The following SLC11A2 variants were observed in gnomAD, a reference collection of about 807,000 sequenced individuals.
SLC11A2 encodes solute carrier family 11 member 2, also known as natural resistance-associated macrophage protein 2.
A neutral mutation model predicts 68.0 loss-of-function variants in SLC11A2; 38 were observed. The observed-to-expected ratio is 0.56, with a 90% confidence interval of 0.43 to 0.73. The LOEUF (loss-of-function observed/expected upper bound fraction) is 0.73, where lower values mean the gene tolerates loss of function less well. SLC11A2 is among the 30% of genes least tolerant of loss of function. SLC11A2 has a pLI of 0.00. For missense variants in SLC11A2, 517 were observed against 690.5 expected (o/e 0.75, Z 2.82); for synonymous variants, 242 against 250.6 (o/e 0.97, Z 0.32).
At chr12:50,956,073 G>A in the SLC11A2 span, among the ~76,000 whole-genome samples, 59 of 152,288 alleles carry the variant, frequency 3.9e-4, no homozygotes, top group Middle Eastern at 3.4e-3. Flanking sequence ...ATAGAGATAA[G>A]TTTTTGCTAA....
At chr12:50,968,393 G>T in the SLC11A2 span, among the ~76,000 whole-genome samples, 22,325 of 151,150 alleles carry the variant, frequency 0.15, 1,860 homozygotes, top group South Asian at 0.26. Flanking sequence ...CTTTTTTTGT[G>T]TGTGTGTGGG....
intron 8 of SLC11A2, among the ~76,000 whole-genome samples, chr12:50,997,456 C>A (rs1324706667): frequency 1.3e-5 from 2 of 152,068 alleles, no homozygotes; most frequent in African/African-American, 4.8e-5. Flanking sequence ...AATCCCAGCA[C>A]TTTAGGAGAC....
At chr12:50,974,578 C>G (rs1356683831), downstream of SLC11A2, among the ~76,000 whole-genome samples, 1 of 152,186 alleles carries the variant, frequency 6.6e-6, no homozygotes, top group Non-Finnish European at 1.5e-5. Context: ...GAAACTGCAT[C>G]AACTAACGAG....
downstream of SLC11A2, among the ~76,000 whole-genome samples, chr12:50,974,922 T>C (rs1317690522): frequency 1.3e-5 from 2 of 152,188 alleles, no homozygotes; most frequent in Non-Finnish European, 2.9e-5. Flanking sequence ...AAGGGATCAA[T>C]TCAACAAGAA....
At chr12:51,007,742 G>A (rs969399119) in intron 3 of SLC11A2, among the ~76,000 whole-genome samples, 4 of 152,122 alleles carry the variant, frequency 2.6e-5, no homozygotes, top group Admixed American at 2.0e-4. Flanking sequence ...CTAGGCTCAA[G>A]TGATCCTTCC....
chr12:51,022,810 A>T (rs1592459873), intron 1 of SLC11A2, among the ~76,000 whole-genome samples: 1 of 152,200 alleles, frequency 6.6e-6, no homozygotes. Flanking sequence ...AACAGCTATC[A>T]GCTTAGTAGA....
At chr12:51,018,403 AC>A (rs1487531973) in intron 1 of SLC11A2, among the ~76,000 whole-genome samples, 1 of 151,524 alleles carries the variant, frequency 6.6e-6, no homozygotes, top group Non-Finnish European at 1.5e-5. Flanking sequence ...CAAAAAAAAA[AC>A]AAAAAACACA....
intron 5 of SLC11A2, among the ~76,000 whole-genome samples, chr12:51,002,076 G>C (rs1188891080): frequency 1.3e-5 from 2 of 152,138 alleles, no homozygotes; most frequent in African/African-American, 4.8e-5. Flanking sequence ...GGTCACCCAT[G>C]GTAGTTCACA....
the SLC11A2 span, among the ~76,000 whole-genome samples, chr12:50,955,299 T>C: frequency 2.0e-5 from 3 of 152,316 alleles, no homozygotes; most frequent in African/African-American, 4.8e-5. Context: ...CACCTAATAA[T>C]CTGGACCCTT....
intron 8 of SLC11A2, among the ~76,000 whole-genome samples, chr12:50,998,540 G>A (rs12227734): frequency 0.071 from 10,829 of 151,982 alleles, 741 homozygotes; most frequent in East Asian, 0.28. Context: ...ACTCTTCCCC[G>A]GTTCAGTATT....
intron 1 of SLC11A2, among the ~76,000 whole-genome samples, chr12:51,016,258 A>G (rs557245777): frequency 1.3e-5 from 2 of 151,854 alleles, no homozygotes; most frequent in East Asian, 3.9e-4. Flanking sequence ...AAAATTAGCT[A>G]GGTGGAGGCC....
intron 9 of SLC11A2, 99 bp downstream of exon 9, chr12:50,996,718 T>G (rs116826074): frequency 1.6e-6 from 2 of 1,234,744 alleles, no homozygotes; most frequent in Middle Eastern, 2.0e-4. Context: ...TGCTCCTTCA[T>G]GGTCCTAATA....
chr12:50,991,761 G>T, intron 13 of SLC11A2, 89 bp from the exon 14 acceptor site: 1 of 994,580 alleles, frequency 1.0e-6, no homozygotes, highest in Non-Finnish European at 1.6e-6. Context: ...AAACATAAAT[G>T]CTGCCTCAAC....
At chr12:51,028,468 T>C, upstream of SLC11A2, 1 of 422,870 alleles carries the variant, frequency 2.4e-6, no homozygotes, top group Admixed American at 4.1e-5. Context: ...AATTAACAAT[T>C]TATTGAGTTC....
intron 1 of SLC11A2, among the ~76,000 whole-genome samples, chr12:51,012,965 C>T (rs1021397501): frequency 2.0e-5 from 3 of 152,230 alleles, no homozygotes; most frequent in African/African-American, 7.2e-5. Context: ...AATCACAGCA[C>T]AGCCCCGACG....
the SLC11A2 span, among the ~76,000 whole-genome samples, chr12:50,969,176 C>G: frequency 6.6e-6 from 1 of 151,726 alleles, no homozygotes; most frequent in Middle Eastern, 3.2e-3. Context: ...CACCTATAGT[C>G]CCAGCTACTA....
intron 1 of SLC11A2, among the ~76,000 whole-genome samples, chr12:51,016,472 G>A (rs991166185): frequency 6.6e-6 from 1 of 150,386 alleles, no homozygotes; most frequent in Non-Finnish European, 1.5e-5. Flanking sequence ...TCGTGAGGTC[G>A]AGAGCTTGAG....
chr12:51,005,045 T>C lies in SLC11A2; in HGVS notation c.310-138A>G, dbSNP rs1266842628. ...CAGGTCAAGAATCAAATGACTTGAG[T>C]TCTATAACAGATTTTGCACATGACC... On this transcript the variant is annotated intron_variant, in intron 4 of 15. Transcript: ENST00000262052. 6.3e-6 allele frequency: 7 copies of C among 1,107,406 alleles called. No individual in the cohort carries two copies. The East Asian group carries it at 1.3e-4, about 20-fold the overall frequency. The allele number at this position is 1,107,406 out of a possible 1,614,324, so 68.6% of individuals were successfully genotyped here. A position where few individuals can be genotyped will look rare whatever the true frequency, so the allele number is the denominator to read the frequency against.
chr12:50,957,972 G>GTGTT, the SLC11A2 span, among the ~76,000 whole-genome samples: 2 of 141,918 alleles, frequency 1.4e-5, no homozygotes, highest in Non-Finnish European at 3.1e-5. Context: ...GTGTGTGTGT[G>GTGTT]TGTGTGTGTG....
Sources: allele counts gnomAD v4.1 joint callset (sites outside exome capture counted in the v4.1 genomes callset), GRCh38; gene constraint gnomAD v4.1.1; transcripts MANE v1.5; gene names NCBI Gene and HGNC (gene_info 2026-07-23, HGNC 2026-07-21).